The following MMD2 variants were observed in gnomAD, a reference collection of about 807,000 sequenced individuals.
MMD2 encodes the protein monocyte to macrophage differentiation factor 2.
MMD2 carries 30 observed loss-of-function variants against 33.5 expected under a neutral mutation model. The observed-to-expected ratio is 0.90, with a 90% CI of 0.67 to 1.22. MMD2 has a LOEUF of 1.22. Among genes scored for constraint, MMD2 ranks in the 50% most tolerant of loss-of-function variants. The pLI is 0.00. For synonymous variants in MMD2, 129 were observed against 123.0 expected (o/e 1.05, Z -0.32); for missense variants, 364 against 325.4 (o/e 1.12, Z -0.91).
intron 1 of MMD2, among the ~76,000 whole-genome samples, chr7:4,944,764 T>TC (rs1786007949): frequency 8.5e-6 from 1 of 117,652 alleles, no homozygotes; most frequent in East Asian, 2.6e-4. Context: ...CTTCTTCTTT[T>TC]TTTTTTTTTT....
In MMD2 at chr7:4,911,205, C is replaced by T. The variant is rs772762565; in HGVS notation, c.407G>A (p.Arg136His). ...RELGPWASHM[R>H]WLVWIMASVG... ...GGAAGCCATAATCCAGACCAGCCAG[C>T]GCATGTGGGAGGCCCAGGGGCCCAG... Residue 136 changes from arginine to histidine, a missense_variant, in exon 5 of 7, where the codon CGC becomes CAC. Transcript: ENST00000401401. 12 of 1,602,324 alleles carry T rather than the reference C, an allele frequency of 7.5e-6. No individual in the cohort carries two copies. In the East Asian group the frequency reaches 1.8e-4, roughly 24 times the overall value.
intron 1 of MMD2, among the ~76,000 whole-genome samples, chr7:4,947,171 G>A (rs543723254): frequency 1.4e-4 from 21 of 152,074 alleles, no homozygotes; most frequent in African/African-American, 5.1e-4. Flanking sequence ...TGGCGCCACT[G>A]CACTCCAGCC....
At chr7:4,954,877 C>T (rs1334677227) in intron 1 of MMD2, among the ~76,000 whole-genome samples, 1 of 152,070 alleles carries the variant, frequency 6.6e-6, no homozygotes, top group Non-Finnish European at 1.5e-5. Flanking sequence ...ATCTTTCATC[C>T]CTCTAAAAGT....
At chr7:4,913,916 C>A (rs1291947847) in intron 4 of MMD2, among the ~76,000 whole-genome samples, 1 of 151,988 alleles carries the variant, frequency 6.6e-6, no homozygotes, top group Non-Finnish European at 1.5e-5. Flanking sequence ...CCACCACAGC[C>A]TCCCAAAGTG....
At chr7:4,914,855 C>T (rs1200169600) in intron 4 of MMD2, among the ~76,000 whole-genome samples, 2 of 152,064 alleles carry the variant, frequency 1.3e-5, no homozygotes, top group African/African-American at 4.8e-5. Flanking sequence ...CATTCAAACC[C>T]GGGAGGTGGA....
chr7:4,914,070 T>C (rs6970984), intron 4 of MMD2, among the ~76,000 whole-genome samples: 147,671 of 152,308 alleles, frequency 0.97, 71,606 homozygotes, highest in East Asian at 1. Context: ...ACTGCAGCCT[T>C]GACTTCCTGG....
At chr7:4,894,830 G>C in the MMD2 span, among the ~76,000 whole-genome samples, 6 of 152,122 alleles carry the variant, frequency 3.9e-5, no homozygotes, top group Non-Finnish European at 7.3e-5. The surrounding 1 kb of genome is among the most constrained non-coding windows in gnomAD (Gnocchi z 4.3). Flanking sequence ...TCCGTGTCCA[G>C]GAAGAATCAG....
At chr7:4,929,440 T>TCCAC (rs1554271627) in intron 1 of MMD2, among the ~76,000 whole-genome samples, 3 of 151,948 alleles carry the variant, frequency 2.0e-5, no homozygotes, top group African/African-American at 7.3e-5. Flanking sequence ...ACGCCGCCCA[T>TCCAC]CCACCCACCT....
chr7:4,958,659 C>G (rs1231124504), intron 1 of MMD2, among the ~76,000 whole-genome samples: 1 of 152,244 alleles, frequency 6.6e-6, no homozygotes, highest in Non-Finnish European at 1.5e-5. Flanking sequence ...GACCAGCTCG[C>G]TTAATCCTCA....
In MMD2 at chr7:4,935,111, G is replaced by A. The variant is rs144971403; in HGVS notation, c.48-9579C>T. ...TGAGGCAGGAGAATCTCTTGAACCCGGGAGGCAGAGGTTGCACGGAGCCGA... is the reference window on the plus strand; with the variant it reads ...TGAGGCAGGAGAATCTCTTGAACCCAGGAGGCAGAGGTTGCACGGAGCCGA... On this transcript the variant is annotated intron_variant, in intron 1 of 6. Transcript: ENST00000401401. 4.6e-5 allele frequency among the ~76,000 whole-genome samples: 7 copies of A among 152,176 alleles called. No individual in the cohort carries two copies. The East Asian group carries it at 5.8e-4, about 13-fold the overall frequency.
rs779779892 is a variant in MMD2, at chr7:4,920,161, C to A, written c.290+10G>T. 1 of 1,554,904 alleles carries A rather than the reference C, an allele frequency of 6.4e-7. No homozygotes were observed. Among genetic ancestry groups the A allele is most frequent in the South Asian group, 1.2e-5 (1 of 84,250 alleles). ...CTACCCGGCATGGGTCCCCTCTGGG[C>A]GGGAGGCACCTGAGGTGGCTCTTCT... On this transcript the variant is annotated intron_variant, in intron 3 of 6. Coordinates refer to ENST00000401401, the MANE Select transcript of MMD2 (RefSeq NM_198403.4).
At chr7:4,904,893 G>A (rs375309129), downstream of MMD2, among the ~76,000 whole-genome samples, 5 of 152,186 alleles carry the variant, frequency 3.3e-5, no homozygotes, top group Non-Finnish European at 7.3e-5. Context: ...CTGTGACGCC[G>A]GAGGGCAGGG....
intron 1 of MMD2, among the ~76,000 whole-genome samples, chr7:4,939,670 G>A (rs767913577): frequency 4.6e-5 from 7 of 151,792 alleles, no homozygotes; most frequent in Non-Finnish European, 1.0e-4. Flanking sequence ...GAAGAAATAA[G>A]GACACTCTGC....
At chr7:4,916,924 C>T (rs1180054270) in intron 3 of MMD2, among the ~76,000 whole-genome samples, 1 of 151,918 alleles carries the variant, frequency 6.6e-6, no homozygotes. Flanking sequence ...TTAGGAAGAT[C>T]AGCCAGGCAT....
chr7:4,905,041 G>A (rs910589803), downstream of MMD2, among the ~76,000 whole-genome samples: 4 of 152,132 alleles, frequency 2.6e-5, no homozygotes, highest in South Asian at 2.1e-4. This position sits in a 1 kb window ranked among gnomAD's most constrained non-coding sequence, Gnocchi z 5.0. Flanking sequence ...TCCCACCAGT[G>A]GGACCAGCAC....
chr7:4,897,642 G>A, the MMD2 span, among the ~76,000 whole-genome samples: 1 of 152,226 alleles, frequency 6.6e-6, no homozygotes, highest in African/African-American at 2.4e-5. Context: ...TTCGGTGAAA[G>A]GCCAGAGCCT....
intron 4 of MMD2, among the ~76,000 whole-genome samples, chr7:4,914,970 T>G (rs188710194): frequency 3.3e-5 from 5 of 151,658 alleles, no homozygotes; most frequent in Non-Finnish European, 5.9e-5. Flanking sequence ...AAAAACAAAA[T>G]AAATATATAC....
chr7:4,949,193 G>A (rs992875270), intron 1 of MMD2, among the ~76,000 whole-genome samples: 4 of 152,088 alleles, frequency 2.6e-5, no homozygotes, highest in African/African-American at 9.7e-5. Flanking sequence ...CTGGGCAATA[G>A]AGTGAGACTC....
the MMD2 span, among the ~76,000 whole-genome samples, chr7:4,899,596 G>A: frequency 6.6e-6 from 1 of 152,042 alleles, no homozygotes; most frequent in African/African-American, 2.4e-5. Context: ...GAGCTTCACT[G>A]TGTTGGCCAG....
Sources: allele counts gnomAD v4.1 joint callset (sites outside exome capture counted in the v4.1 genomes callset), GRCh38; gene constraint gnomAD v4.1.1; non-coding constraint Gnocchi (gnomAD v3.1); transcripts MANE v1.5; gene names NCBI Gene and HGNC (gene_info 2026-07-23, HGNC 2026-07-21).